The following ZCCHC7 variants were observed in gnomAD, a reference collection of about 807,000 sequenced individuals.
The protein encoded by ZCCHC7 is zinc finger CCHC domain-containing protein 7.
ZCCHC7 carries 35 observed loss-of-function variants against 52.0 expected under a neutral mutation model. The observed-to-expected ratio is 0.67, with a 90% CI of 0.51 to 0.89. ZCCHC7 has a LOEUF of 0.89. ZCCHC7 is among the 40% of genes least tolerant of loss of function. ZCCHC7 has a pLI of 0.00. For missense variants in ZCCHC7, 574 were observed against 649.1 expected (o/e 0.88, Z 1.26); for synonymous variants, 217 against 221.5 (o/e 0.98, Z 0.18).
At chr9:37,206,562 G>C (rs1225036588) in intron 2 of ZCCHC7, among the ~76,000 whole-genome samples, 1 of 152,074 alleles carries the variant, frequency 6.6e-6, no homozygotes, top group Non-Finnish European at 1.5e-5. Flanking sequence ...ATGTTGCCCA[G>C]GCTGGTCTCA....
At position 37,138,141 on chromosome 9, in the gene ZCCHC7, G is replaced by A. The variant is rs376436485; in HGVS notation, c.610+11199G>A. Among the ~76,000 whole-genome samples, 164 of 152,226 alleles carry A rather than the reference G, an allele frequency of 1.1e-3. 3 individuals are homozygous for A. The South Asian group carries it at 0.032, about 30-fold the overall frequency. On this transcript the variant is annotated intron_variant, in intron 2 of 8. Coordinates refer to ENST00000336755, the MANE Select transcript of ZCCHC7 (RefSeq NM_032226.3). ...GTCACCTTACACTTAACTATTGTTAGGGCATCTTTTTATTTAATTTCTAAT... is the reference window on the plus strand; with the variant it reads ...GTCACCTTACACTTAACTATTGTTAAGGCATCTTTTTATTTAATTTCTAAT...
At chr9:37,289,083 A>G (rs1828401115) in intron 2 of ZCCHC7, among the ~76,000 whole-genome samples, 3 of 152,022 alleles carry the variant, frequency 2.0e-5, no homozygotes, top group Admixed American at 1.3e-4. Flanking sequence ...TTTTAGTTGC[A>G]GTAATTATCA....
intron 5 of ZCCHC7, among the ~76,000 whole-genome samples, chr9:37,311,275 C>T (rs74926950): frequency 0.073 from 11,091 of 152,188 alleles, 560 homozygotes; most frequent in Middle Eastern, 0.15. Flanking sequence ...AATTTCCTAC[C>T]TTTATTCAGC....
At chr9:37,234,215 A>G (rs1416878448) in intron 2 of ZCCHC7, among the ~76,000 whole-genome samples, 3 of 152,288 alleles carry the variant, frequency 2.0e-5, no homozygotes, top group Middle Eastern at 3.4e-3. Flanking sequence ...TGTTCTCAGC[A>G]TAGCTGGATC....
intron 2 of ZCCHC7, among the ~76,000 whole-genome samples, chr9:37,158,846 G>C (rs1820947783): frequency 6.6e-6 from 1 of 152,122 alleles, no homozygotes; most frequent in Admixed American, 6.5e-5. Context: ...AAAAATATTA[G>C]TTTGTCTGCT....
intron 2 of ZCCHC7, among the ~76,000 whole-genome samples, chr9:37,153,308 T>A (rs1295925737): frequency 1.3e-5 from 2 of 151,862 alleles, no homozygotes; most frequent in Non-Finnish European, 2.9e-5. Context: ...GTAGCTGGGA[T>A]CATAGGTGCC....
chr9:37,291,602 A>AT (rs542846969), intron 2 of ZCCHC7, among the ~76,000 whole-genome samples: 4 of 152,194 alleles, frequency 2.6e-5, no homozygotes, highest in South Asian at 2.1e-4. Flanking sequence ...GAAATGAAAA[A>AT]TTTTTTTTCA....
At chr9:37,289,384 C>A (rs946142559) in intron 2 of ZCCHC7, among the ~76,000 whole-genome samples, 2 of 152,094 alleles carry the variant, frequency 1.3e-5, no homozygotes, top group Non-Finnish European at 1.5e-5. Context: ...CTACTGACTT[C>A]GTGATCTGCC....
At chr9:37,207,118 T>C (rs1245096496) in intron 2 of ZCCHC7, among the ~76,000 whole-genome samples, 1 of 152,216 alleles carries the variant, frequency 6.6e-6, no homozygotes, top group Admixed American at 6.5e-5. Flanking sequence ...AAAGCCAGAC[T>C]CTGTCTCTAA....
chr9:37,284,964 AT>A (rs1212599638), intron 2 of ZCCHC7, among the ~76,000 whole-genome samples: 4 of 152,140 alleles, frequency 2.6e-5, no homozygotes, highest in Non-Finnish European at 4.4e-5. Context: ...TTAGGCTTTA[AT>A]TTTTTTAATT....
intron 2 of ZCCHC7, among the ~76,000 whole-genome samples, chr9:37,195,469 G>A (rs188442896): frequency 6.6e-6 from 1 of 152,284 alleles, no homozygotes; most frequent in East Asian, 1.9e-4. Flanking sequence ...TGTTTGTGAT[G>A]TGGTCATGCA....
At position 37,352,511 on chromosome 9, in the gene ZCCHC7, C is replaced by CTTTTTTTTTTTTTT. The variant is rs869266535; in HGVS notation, c.1084-2188_1084-2175dup. Among the ~76,000 whole-genome samples, 8 of 81,576 alleles carry CTTTTTTTTTTTTTT rather than the reference C, an allele frequency of 9.8e-5. 1 individual carries two copies. The highest frequency in any genetic ancestry group is 4.5e-4 in the African/African-American group (8 of 17,970). 53.5% of individuals were successfully genotyped at this position (81,576 alleles called of 152,430 possible). On this transcript the variant is annotated intron_variant, in intron 7 of 8. Transcript: ENST00000336755. The stretch of plus-strand genomic sequence containing the variant: ...TACCTTTGCATAATCACAATTTGCT[C>CTTTTTTTTTTTTTT]TTTTTTTTTTTTTTTTTTTTTTTTG...
chr9:37,138,407 G>T (rs1272410234), intron 2 of ZCCHC7, among the ~76,000 whole-genome samples: 2 of 152,098 alleles, frequency 1.3e-5, no homozygotes, highest in Non-Finnish European at 2.9e-5. Context: ...ACTAATTTCT[G>T]TGATTTCACT....
chr9:37,262,443 CTT>C (rs1826910986), intron 2 of ZCCHC7, among the ~76,000 whole-genome samples: 2 of 152,136 alleles, frequency 1.3e-5, no homozygotes, highest in African/African-American at 2.4e-5. Context: ...GTTGCAATAA[CTT>C]ATACTATTAT....
intron 2 of ZCCHC7, among the ~76,000 whole-genome samples, chr9:37,275,363 G>A (rs1397191211): frequency 6.7e-6 from 1 of 149,164 alleles, no homozygotes; most frequent in Non-Finnish European, 1.5e-5. Context: ...GATGCATCCA[G>A]GAGATATAAT....
intron 2 of ZCCHC7, among the ~76,000 whole-genome samples, chr9:37,247,842 A>G (rs925396837): frequency 6.6e-6 from 1 of 152,144 alleles, no homozygotes; most frequent in Non-Finnish European, 1.5e-5. Context: ...TCAAGGCTGC[A>G]GTGAGCCATG....
intron 2 of ZCCHC7, among the ~76,000 whole-genome samples, chr9:37,162,408 T>C (rs982033228): frequency 2.0e-5 from 3 of 152,148 alleles, no homozygotes; most frequent in Non-Finnish European, 4.4e-5. Context: ...ATACCGTCCA[T>C]CCCCAGGGAA....
At chr9:37,287,563 G>C (rs1217722604) in intron 2 of ZCCHC7, among the ~76,000 whole-genome samples, 1 of 152,110 alleles carries the variant, frequency 6.6e-6, no homozygotes, top group African/African-American at 2.4e-5. Context: ...ATTCAAGTTA[G>C]ACGGTAACAG....
intron 2 of ZCCHC7, among the ~76,000 whole-genome samples, chr9:37,255,884 C>CT (rs1219770684): frequency 3.9e-5 from 6 of 152,238 alleles, no homozygotes; most frequent in Middle Eastern, 6.8e-3. Flanking sequence ...CTTAACAGTG[C>CT]TGAGGGAATT....
Sources: gnomAD v4.1 joint callset for allele counts (sites outside exome capture counted in the v4.1 genomes callset) on GRCh38, gnomAD v4.1.1 for gene constraint, MANE v1.5 for transcripts, NCBI Gene and HGNC (gene_info 2026-07-23, HGNC 2026-07-21) for gene names.